The following SYT16 variants were observed in gnomAD, a reference collection of about 807,000 sequenced individuals.
The protein encoded by SYT16 is synaptotagmin-16.
In SYT16, 42 loss-of-function variants were observed where a neutral mutation model predicts 61.4. The ratio of observed to expected loss-of-function variants is 0.68; its 90% CI spans 0.53 to 0.89. SYT16 has a LOEUF of 0.89. Among genes scored for constraint, SYT16 ranks in the 40% least tolerant of loss-of-function variants. The pLI, the probability that SYT16 is intolerant of heterozygous loss-of-function variation, is 0.00. For missense variants in SYT16, 804 were observed against 807.3 expected, an observed-to-expected ratio of 1.00 and a Z score of 0.05; for synonymous variants, 314 against 302.3, an observed-to-expected ratio of 1.04 and a Z score of -0.40.
intron 1 of SYT16, among the ~76,000 whole-genome samples, chr14:61,946,490 G>T (rs937281409): frequency 3.9e-5 from 6 of 152,066 alleles, no homozygotes; most frequent in Non-Finnish European, 8.8e-5. Flanking sequence ...ATATCTAAAA[G>T]GCCAGAATTC....
At chr14:61,949,112 T>A (rs990636738) in intron 1 of SYT16, among the ~76,000 whole-genome samples, 2 of 152,188 alleles carry the variant, frequency 1.3e-5, no homozygotes, top group Admixed American at 6.5e-5. Flanking sequence ...TCATCTTAAG[T>A]GAATCCACCA....
intron 1 of SYT16, among the ~76,000 whole-genome samples, chr14:61,917,028 A>G (rs569449809): frequency 1.3e-5 from 2 of 152,260 alleles, no homozygotes; most frequent in Non-Finnish European, 2.9e-5. Flanking sequence ...TTTGGCTATT[A>G]TTAATAGTGC....
intron 3 of SYT16, among the ~76,000 whole-genome samples, chr14:62,046,381 A>G (rs2054986629): frequency 6.6e-6 from 1 of 151,924 alleles, no homozygotes; most frequent in South Asian, 2.1e-4. Context: ...AGGTTGCAAA[A>G]ATTTTCTCCC....
intron 2 of SYT16, among the ~76,000 whole-genome samples, chr14:61,974,570 G>A (rs1346424206): frequency 6.6e-6 from 1 of 152,186 alleles, no homozygotes; most frequent in Non-Finnish European, 1.5e-5. Context: ...GCAGGAGCCA[G>A]CAGGAACAGT....
chr14:61,834,511 C>G (rs1316286855), intron 1 of SYT16, among the ~76,000 whole-genome samples: 2 of 133,594 alleles, frequency 1.5e-5, no homozygotes, highest in African/African-American at 5.8e-5. Flanking sequence ...GATCTCGGCT[C>G]ACTGCAACCT....
intron 1 of SYT16, among the ~76,000 whole-genome samples, chr14:61,941,013 CT>C (rs2050187789): frequency 6.6e-6 from 1 of 152,140 alleles, no homozygotes; most frequent in South Asian, 2.1e-4. Context: ...AGAAGGACCA[CT>C]TATTTGGAAG....
At chr14:61,973,003 C>G (rs2051626160) in intron 2 of SYT16, among the ~76,000 whole-genome samples, 1 of 152,150 alleles carries the variant, frequency 6.6e-6, no homozygotes, top group Non-Finnish European at 1.5e-5. Context: ...GACCATCCTA[C>G]TCTTAGATTA....
At chr14:61,978,187 A>G (rs1351942957) in intron 2 of SYT16, among the ~76,000 whole-genome samples, 2 of 152,214 alleles carry the variant, frequency 1.3e-5, no homozygotes, top group Non-Finnish European at 2.9e-5. Flanking sequence ...AGGGATTAGG[A>G]CATGGACATA....
chr14:61,888,409 T>A (rs537360322), intron 1 of SYT16, among the ~76,000 whole-genome samples: 2 of 152,320 alleles, frequency 1.3e-5, no homozygotes, highest in East Asian at 3.9e-4. Flanking sequence ...TGAGCCACCA[T>A]GCCCAGCTTA....
At position 61,941,538 on chromosome 14, in the gene SYT16, T is replaced by A. The variant is rs189573467; in HGVS notation, c.-324-28594T>A. Among the ~76,000 whole-genome samples the A allele has an allele frequency of 4.6e-5, 7 of 152,192 alleles. No individual in the cohort carries two copies. The East Asian group carries it at 1.2e-3, about 25-fold the overall frequency. On this transcript the variant is annotated intron_variant, in intron 1 of 7. Transcript: ENST00000683842. ...GACATTCTTGCTACTTTTCCCTCTT[T>A]CCAGCACAATCCTGTCCTCCATGAG...
At chr14:61,980,859 T>A (rs1163370232) in intron 2 of SYT16, among the ~76,000 whole-genome samples, 1 of 152,182 alleles carries the variant, frequency 6.6e-6, no homozygotes, top group Non-Finnish European at 1.5e-5. Flanking sequence ...TCTTGCTCAT[T>A]GCTGGGCAGA....
intron 3 of SYT16, among the ~76,000 whole-genome samples, chr14:62,004,903 C>A (rs191868135): frequency 7.6e-4 from 115 of 152,282 alleles, no homozygotes; most frequent in African/African-American, 2.4e-3. Flanking sequence ...AGTCTTGGGT[C>A]TCTACTAGAC....
intron 3 of SYT16, among the ~76,000 whole-genome samples, chr14:62,042,928 G>GT (rs2054795722): frequency 6.6e-6 from 1 of 151,948 alleles, no homozygotes; most frequent in African/African-American, 2.4e-5. Context: ...AGGAATCCCT[G>GT]GTTTTTTGTT....
intron 1 of SYT16, among the ~76,000 whole-genome samples, chr14:61,830,864 C>A (rs533959933): frequency 6.6e-6 from 1 of 152,104 alleles, no homozygotes; most frequent in Non-Finnish European, 1.5e-5. Flanking sequence ...GAGGAGAAGG[C>A]GTGCTACTTC....
At chr14:62,069,152 C>A (rs1336749850) in intron 3 of SYT16, among the ~76,000 whole-genome samples, 1 of 152,118 alleles carries the variant, frequency 6.6e-6, no homozygotes, top group African/African-American at 2.4e-5. Context: ...TGTAGATATT[C>A]CTTCTCCGAA....
At chr14:62,055,686 T>A (rs985130316) in intron 3 of SYT16, among the ~76,000 whole-genome samples, 1 of 150,744 alleles carries the variant, frequency 6.6e-6, no homozygotes, top group African/African-American at 2.4e-5. Flanking sequence ...CACAAATCCC[T>A]GCTCAAAAAT....
chr14:62,047,724 T>C (rs969271428), intron 3 of SYT16, among the ~76,000 whole-genome samples: 4 of 152,236 alleles, frequency 2.6e-5, no homozygotes, highest in African/African-American at 7.2e-5. Flanking sequence ...CTGCATCTAT[T>C]GAGATAATCA....
rs190771074 is a variant in SYT16 at position 62,107,838 on chromosome 14, G to C, written c.*7131G>C. 1.3e-5 allele frequency: 2 copies of C among 152,180 alleles called. No homozygotes were observed. Among genetic ancestry groups the C allele is most frequent in the African/African-American group, 2.4e-5 (1 of 41,444 alleles). 9.4% of individuals were successfully genotyped at this position (152,180 alleles called of 1,614,324 possible). On this transcript the variant is annotated 3_prime_UTR_variant, in exon 8 of 8. Transcript: ENST00000683842. The stretch of plus-strand genomic sequence containing the variant: ...GTGAAAAGAATTATAGCATCAAATA[G>C]GATATTTAGTATTCTTGACTTTTAT...
At chr14:61,980,106 G>T (rs760287555) in intron 2 of SYT16, among the ~76,000 whole-genome samples, 1 of 152,012 alleles carries the variant, frequency 6.6e-6, no homozygotes, top group African/African-American at 2.4e-5. Context: ...TTTGTCACCC[G>T]TCTCCACTGG....
Sources: gnomAD v4.1 joint callset for allele counts (sites outside exome capture counted in the v4.1 genomes callset) on GRCh38, gnomAD v4.1.1 for gene constraint, MANE v1.5 for transcripts, NCBI Gene and HGNC (gene_info 2026-07-23, HGNC 2026-07-21) for gene names.